Variants in LTBP1 observed in about 807,000 individuals in gnomAD.
LTBP1 encodes latent transforming growth factor beta binding protein 1.
A neutral mutation model predicts 207.6 loss-of-function variants in LTBP1; 129 were observed. The observed-to-expected ratio is 0.62, with a 90% CI of 0.54 to 0.72. LTBP1 has a LOEUF of 0.72. Ranked by LOEUF, LTBP1 falls within the 30% of genes least tolerant of loss-of-function variation. The pLI, the probability that LTBP1 is intolerant of heterozygous loss-of-function variation, is 0.00. For synonymous variants in LTBP1, 963 were observed against 833.7 expected (o/e 1.16, Z -2.67); for missense variants, 2,281 against 2,217.2 (o/e 1.03, Z -0.58).
At chr2:33,392,509 G>T (rs1194516092) in intron 32 of LTBP1, among the ~76,000 whole-genome samples, 1 of 152,152 alleles carries the variant, frequency 6.6e-6, no homozygotes. Context: ...TGTAGGCTTT[G>T]CAGGTCATGT....
chr2:32,962,176 A>G (rs565673767), intron 2 of LTBP1, among the ~76,000 whole-genome samples: 3 of 146,718 alleles, frequency 2.0e-5, no homozygotes, highest in Non-Finnish European at 2.9e-5. Context: ...TTTACCAACA[A>G]TGTCTCTGGT....
intron 2 of LTBP1, among the ~76,000 whole-genome samples, chr2:32,999,189 C>T (rs1242406048): frequency 2.6e-5 from 4 of 152,216 alleles, no homozygotes; most frequent in Non-Finnish European, 4.4e-5. Flanking sequence ...GTTAGAAGTG[C>T]AGGGTTTCCG....
chr2:33,084,210 C>T (rs2078615937), intron 3 of LTBP1, among the ~76,000 whole-genome samples: 2 of 152,190 alleles, frequency 1.3e-5, no homozygotes, highest in African/African-American at 2.4e-5. Context: ...TCTGCATTTG[C>T]AGCACATACA....
At chr2:33,195,321 T>TAGA (rs2088424098) in intron 7 of LTBP1, among the ~76,000 whole-genome samples, 1 of 152,194 alleles carries the variant, frequency 6.6e-6, no homozygotes, top group Non-Finnish European at 1.5e-5. Context: ...TGGAAAGAGT[T>TAGA]TGCCATTCTA....
intron 2 of LTBP1, among the ~76,000 whole-genome samples, chr2:33,019,462 A>G (rs2075040787): frequency 6.7e-6 from 1 of 149,744 alleles, no homozygotes; most frequent in Non-Finnish European, 1.5e-5. Flanking sequence ...CAGCCTTCCG[A>G]GAACTGGGAT....
intron 3 of LTBP1, among the ~76,000 whole-genome samples, chr2:33,046,913 G>A (rs988636585): frequency 2.0e-5 from 3 of 152,164 alleles, no homozygotes; most frequent in Non-Finnish European, 2.9e-5. Context: ...AAGTCAAATA[G>A]TATTCTCTGA....
At chr2:33,147,834 G>T (rs1368143905) in intron 5 of LTBP1, among the ~76,000 whole-genome samples, 1 of 152,202 alleles carries the variant, frequency 6.6e-6, no homozygotes, top group East Asian at 1.9e-4. Flanking sequence ...GGGATGGTGA[G>T]AAAGTGTTTT....
chr2:33,134,963 G>T lies in LTBP1; in HGVS notation c.1201+3G>T. ...GACGGCCACGAACTTCCGAGTGGGTGAGTTCCTCCACGGTCCCTAACTGTC... is the reference window on the plus strand; with the variant it reads ...GACGGCCACGAACTTCCGAGTGGGTTAGTTCCTCCACGGTCCCTAACTGTC... On this transcript the variant is annotated splice_donor_region_variant and intron_variant, in intron 5 of 33. Transcript: ENST00000404816. This position sits in a 1 kb window ranked among gnomAD's most constrained non-coding sequence, Gnocchi z 4.4. 6.2e-7 allele frequency: 1 copy of T among 1,607,864 alleles called. No homozygotes were observed. Among genetic ancestry groups the T allele is most frequent in the Non-Finnish European group, 8.5e-7 (1 of 1,177,032 alleles).
chr2:32,966,243 GAC>G (rs1320671128), intron 2 of LTBP1, among the ~76,000 whole-genome samples: 3 of 152,104 alleles, frequency 2.0e-5, no homozygotes, highest in African/African-American at 7.2e-5. Flanking sequence ...TCCTTTATCA[GAC>G]GTGTCTCTTG....
Position 32,947,680 on chromosome 2 carries a change from A to T in LTBP1, c.356A>T (p.His119Leu). The change falls in exon 1 of 34, where the codon CAC (histidine) becomes CTC (leucine). Residue 119 changes from histidine to leucine, a missense_variant. By Grantham distance (99) the His-to-Leu change is moderately conservative. This residue lies in a region of LTBP1 where 555 missense variants were observed against 491.0 expected (regional missense o/e 1.13). Coordinates refer to ENST00000404816, the MANE Select transcript of LTBP1 (RefSeq NM_206943.4). ...ARPAVPGGQL[H>L]PNPGGHPAAA... is the part of the protein sequence containing the mutation. The stretch of plus-strand genomic sequence containing the variant: ...CCCGCGGTCCCCGGCGGGCAGCTCC[A>T]CCCCAATCCCGGCGGCCACCCGGCA... 6.7e-7 allele frequency: 1 copy of T among 1,488,094 alleles called. No individual in the cohort carries two copies. Among genetic ancestry groups the T allele is most frequent in the Non-Finnish European group, 9.0e-7 (1 of 1,117,042 alleles). The allele number at this position is 1,488,094 out of a possible 1,614,324, so 92.2% of individuals were successfully genotyped here. A position where few individuals can be genotyped will look rare whatever the true frequency, so the allele number is the denominator to read the frequency against.
At chr2:33,243,346 A>G (rs543205357) in intron 9 of LTBP1, among the ~76,000 whole-genome samples, 1 of 152,288 alleles carries the variant, frequency 6.6e-6, no homozygotes, top group East Asian at 1.9e-4. Context: ...TCTTTGCCTT[A>G]CCTATATGCT....
At chr2:33,308,377 G>C (rs759396387) in intron 22 of LTBP1, among the ~76,000 whole-genome samples, 9 of 152,050 alleles carry the variant, frequency 5.9e-5, no homozygotes, top group Non-Finnish European at 1.3e-4. Flanking sequence ...TAAAATCCAG[G>C]CTACCTCAAA....
chr2:33,214,717 A>G (rs755511194), intron 7 of LTBP1, among the ~76,000 whole-genome samples: 2 of 152,166 alleles, frequency 1.3e-5, no homozygotes, highest in African/African-American at 2.4e-5. Context: ...GTGTTGTTTT[A>G]TAAGAGAGTT....
chr2:33,067,545 A>G (rs947006133), intron 3 of LTBP1, among the ~76,000 whole-genome samples: 1 of 152,224 alleles, frequency 6.6e-6, no homozygotes, highest in Non-Finnish European at 1.5e-5. Flanking sequence ...TGAATCAAAC[A>G]TATCTGGGAG....
intron 3 of LTBP1, among the ~76,000 whole-genome samples, chr2:33,052,433 G>A (rs2076791755): frequency 6.6e-6 from 1 of 152,200 alleles, no homozygotes; most frequent in Non-Finnish European, 1.5e-5. Context: ...TGGGAAAATA[G>A]GAACCAGACC....
At chr2:33,172,941 G>A (rs1162286752) in intron 5 of LTBP1, among the ~76,000 whole-genome samples, 1 of 152,038 alleles carries the variant, frequency 6.6e-6, no homozygotes, top group Non-Finnish European at 1.5e-5. Flanking sequence ...AAATAAAGAT[G>A]TTCTTTGAAA....
chr2:33,224,477 A>G (rs2091318478), intron 9 of LTBP1, among the ~76,000 whole-genome samples: 1 of 152,180 alleles, frequency 6.6e-6, no homozygotes, highest in African/African-American at 2.4e-5. Context: ...TTGAAGACAG[A>G]AGGCTTACTC....
chr2:33,250,265 G>A (rs908352748), intron 10 of LTBP1, among the ~76,000 whole-genome samples: 1 of 152,154 alleles, frequency 6.6e-6, no homozygotes, highest in Non-Finnish European at 1.5e-5. Flanking sequence ...GAACAGTTTT[G>A]GCTTCAAATA....
At chr2:33,185,939 G>A (rs1209206177) in intron 5 of LTBP1, among the ~76,000 whole-genome samples, 1 of 152,202 alleles carries the variant, frequency 6.6e-6, no homozygotes, top group Non-Finnish European at 1.5e-5. Flanking sequence ...AATCTGTGAT[G>A]TTTAAAGGCT....
Sources: allele counts gnomAD v4.1 joint callset (sites outside exome capture counted in the v4.1 genomes callset), GRCh38; gene constraint gnomAD v4.1.1; regional missense constraint gnomAD v4.1.1; non-coding constraint Gnocchi (gnomAD v3.1); transcripts MANE v1.5; gene names NCBI Gene and HGNC (gene_info 2026-07-23, HGNC 2026-07-21).